Variants in BPIFC observed in about 807,000 individuals in gnomAD.
The protein encoded by BPIFC is BPI fold containing family C.
BPIFC carries 60 observed loss-of-function variants against 57.6 expected under a neutral mutation model. That is an observed-to-expected ratio of 1.04 (90% CI 0.85 to 1.29). BPIFC has a LOEUF of 1.29. Among genes scored for constraint, BPIFC ranks in the 50% most tolerant of loss-of-function variants. The pLI is 0.00. For synonymous variants in BPIFC, 243 were observed against 224.5 expected, an observed-to-expected ratio of 1.08 and a Z score of -0.74; for missense variants, 581 against 600.5, an observed-to-expected ratio of 0.97 and a Z score of 0.34.
chr22:32,447,973 G>A (rs770827642), intron 4 of BPIFC, among the ~76,000 whole-genome samples: 5 of 152,034 alleles, frequency 3.3e-5, no homozygotes, highest in Non-Finnish European at 7.4e-5. Flanking sequence ...CAAAAAAAAG[G>A]CACAACATTG....
In BPIFC at chr22:32,461,437, G is replaced by A. The variant is rs1259079494; in HGVS notation, c.-1+137C>T. 1.0e-5 allele frequency: 3 copies of A among 292,318 alleles called. No individual in the cohort carries two copies. In the East Asian group the frequency reaches 5.2e-4, roughly 51 times the overall value. The allele number at this position is 292,318 out of a possible 1,614,324, so 18.1% of individuals were successfully genotyped here. A position where few individuals can be genotyped will look rare whatever the true frequency, so the allele number is the denominator to read the frequency against. ...GGAAGGGATTTGGGTAGGAGAGGAGGATCTCTGGCCAAGCAATGAGTGATC... is the reference window on the plus strand; with the variant it reads ...GGAAGGGATTTGGGTAGGAGAGGAGAATCTCTGGCCAAGCAATGAGTGATC... On this transcript the variant is annotated intron_variant, in intron 2 of 16. Transcript: ENST00000300399.
At chr22:32,445,734 A>AAAAG in intron 6 of BPIFC, 36 bp from the exon 7 acceptor site, 1 of 1,531,740 alleles carries the variant, frequency 6.5e-7, no homozygotes, top group East Asian at 2.3e-5. Context: ...AAAAAAAAAA[A>AAAAG]AGAGGTTACT....
At position 32,442,711 on chromosome 22, in the gene BPIFC, A is replaced by G; in HGVS notation, c.615T>C (p.Ser205=). ...GGTTGGCATTTAGCGCTTTGACTTC[A>G]CTTGCAATAATGGGACAGAGCTGGC... ...LNEMLCPIIA[S]EVKALNANLS... is the part of the protein sequence containing the mutation. The change falls in exon 8 of 17, where the codon AGT becomes AGC. Residue 205 remains serine (S), a synonymous_variant. Transcript: ENST00000300399. The G allele has an allele frequency of 1.2e-6, 2 of 1,613,998 alleles. No individual in the cohort carries two copies. Among genetic ancestry groups the G allele is most frequent in the Non-Finnish European group, 1.7e-6 (2 of 1,179,964 alleles).
chr22:32,447,463 AG>A (rs1193594718), intron 4 of BPIFC, 123 bp from the exon 5 acceptor site: 5 of 1,170,876 alleles, frequency 4.3e-6, no homozygotes, highest in African/African-American at 1.6e-5. Context: ...TACAGAGAAA[AG>A]AACCTCCTGT....
intron 5 of BPIFC, chr22:32,446,851 T>G: frequency 2.1e-6 from 2 of 957,034 alleles, no homozygotes; most frequent in Non-Finnish European, 2.5e-6. Flanking sequence ...TTCCCATCAC[T>G]TACTCCTGCA....
intron 2 of BPIFC, among the ~76,000 whole-genome samples, chr22:32,459,819 C>T (rs1935125473): frequency 6.6e-6 from 1 of 151,716 alleles, no homozygotes; most frequent in Non-Finnish European, 1.5e-5. Flanking sequence ...CCACTGCACT[C>T]CAGCTTGGGC....
Position 32,414,581 on chromosome 22 carries a change from T to C in BPIFC, c.1402-156A>G, listed in dbSNP as rs902159130. 2.6e-5 allele frequency among the ~76,000 whole-genome samples: 4 copies of C among 152,280 alleles called. No homozygotes were observed. In the East Asian group the frequency reaches 5.8e-4, roughly 22 times the overall value. On this transcript the variant is annotated intron_variant, in intron 16 of 16. Transcript: ENST00000300399. ...CAGGCTGGAGTGTGGTGGTGCGATC[T>C]TGGCTCACTGCAAGCTCCGTCCCTC...
intron 10 of BPIFC, among the ~76,000 whole-genome samples, chr22:32,434,446 T>A (rs1166752480): frequency 6.7e-6 from 1 of 149,554 alleles, no homozygotes; most frequent in African/African-American, 2.4e-5. Context: ...ACATATTATT[T>A]ATATATATTA....
At chr22:32,424,696 T>TTCTTCTTCC (rs1933985361) in intron 13 of BPIFC, among the ~76,000 whole-genome samples, 1 of 94,244 alleles carries the variant, frequency 1.1e-5, no homozygotes, top group Non-Finnish European at 1.9e-5. Flanking sequence ...CTTCTTCCTC[T>TTCTTCTTCC]TCTTCTTCCT....
At chr22:32,451,510 A>C (rs1389310520) in intron 4 of BPIFC, among the ~76,000 whole-genome samples, 1 of 152,100 alleles carries the variant, frequency 6.6e-6, no homozygotes, top group South Asian at 2.1e-4. Flanking sequence ...ACTTGGACAC[A>C]GGAAGGGGAA....
chr22:32,453,831 C>T (rs149633764), intron 3 of BPIFC, among the ~76,000 whole-genome samples: 49 of 152,184 alleles, frequency 3.2e-4, no homozygotes, highest in African/African-American at 1.1e-3. Context: ...GCCTGTAATC[C>T]CAGCACTTTG....
At chr22:32,429,013 C>T (rs1934153281) in intron 13 of BPIFC, among the ~76,000 whole-genome samples, 2 of 152,066 alleles carry the variant, frequency 1.3e-5, no homozygotes, top group East Asian at 3.9e-4. Flanking sequence ...TCTTCATTTT[C>T]AGTTTTGTGA....
chr22:32,429,357 C>A (rs1466803928), intron 13 of BPIFC, among the ~76,000 whole-genome samples: 6 of 151,828 alleles, frequency 4.0e-5, no homozygotes, highest in Non-Finnish European at 8.8e-5. Context: ...CAGGCGCCCG[C>A]CACCACGCCC....
In BPIFC at chr22:32,417,154, A is replaced by C; in HGVS notation, c.1261-6T>G. On this transcript the variant is annotated splice_region_variant and splice_polypyrimidine_tract_variant and intron_variant, in intron 14 of 16. Coordinates refer to ENST00000300399, the MANE Select transcript of BPIFC (RefSeq NM_174932.3). ...ATATTTTCAAACCTCAAGACCTAAA[A>C]TAAAAGAGGAAATAGAATCAATTGG... 1.3e-6 allele frequency: 2 copies of C among 1,598,894 alleles called. No homozygotes were observed. Among genetic ancestry groups the C allele is most frequent in the Non-Finnish European group, 1.7e-6 (2 of 1,166,644 alleles).
intron 16 of BPIFC, 90 bp from the exon 17 acceptor site, chr22:32,414,515 T>G: frequency 6.8e-7 from 1 of 1,468,152 alleles, no homozygotes. Flanking sequence ...TTCTTTTTTT[T>G]ATTATTTTAA....
At chr22:32,435,279 C>T (rs1320377479) in intron 10 of BPIFC, among the ~76,000 whole-genome samples, 1 of 152,028 alleles carries the variant, frequency 6.6e-6, no homozygotes, top group Non-Finnish European at 1.5e-5. Context: ...GAACTGGAAA[C>T]TTGACAACTC....
At chr22:32,415,827 A>G in intron 16 of BPIFC, 88 bp downstream of exon 16, 1 of 917,582 alleles carries the variant, frequency 1.1e-6, no homozygotes, top group South Asian at 2.2e-5. Context: ...AAAACAAACA[A>G]CAACAACAAA....
intron 1 of BPIFC, among the ~76,000 whole-genome samples, chr22:32,462,972 T>C (rs1439935454): frequency 2.0e-5 from 3 of 152,212 alleles, no homozygotes; most frequent in Admixed American, 6.5e-5. Context: ...AATCCCTTCT[T>C]ATTTTCTTGG....
chr22:32,450,565 A>G (rs1413669530), intron 4 of BPIFC, among the ~76,000 whole-genome samples: 1 of 152,148 alleles, frequency 6.6e-6, no homozygotes, highest in Non-Finnish European at 1.5e-5. Context: ...TCATATGAAT[A>G]TGTAACCAAT....
Sources: gnomAD v4.1 joint callset for allele counts (sites outside exome capture counted in the v4.1 genomes callset) on GRCh38, gnomAD v4.1.1 for gene constraint, MANE v1.5 for transcripts, NCBI Gene and HGNC (gene_info 2026-07-23, HGNC 2026-07-21) for gene names.